MECOM: variants seen among roughly 807,000 people sequenced by gnomAD.
The protein encoded by MECOM is MDS1 and EVI1 complex locus, also known as histone-lysine N-methyltransferase MECOM.
Under a neutral mutation model 116.3 loss-of-function variants are expected in MECOM, and 13 were observed. That is an observed-to-expected ratio of 0.11 (90% CI 0.07 to 0.18). The LOEUF (loss-of-function observed/expected upper bound fraction) is 0.18. Ranked by LOEUF, MECOM falls within the 10% of genes least tolerant of loss-of-function variation. The pLI is 1.00. For synonymous variants in MECOM, 528 were observed against 535.2 expected (o/e 0.99, Z 0.19); for missense variants, 1,299 against 1,509.0 (o/e 0.86, Z 2.31).
intron 2 of MECOM, among the ~76,000 whole-genome samples, chr3:169,152,500 G>A (rs185820154): frequency 1.1e-3 from 175 of 152,226 alleles, no homozygotes; most frequent in Admixed American, 4.4e-3. Context: ...GCAGTGGCTC[G>A]AGGATTCAGG....
At position 169,534,850 on chromosome 3, in the gene MECOM, A is replaced by G. The variant is rs542140098; in HGVS notation, c.37+128486T>C. On this transcript the variant is annotated intron_variant, in intron 1 of 16. Transcript: ENST00000651503. ...TGGGATGAGCTGGGATGTGAACCCC[A>G]ATGGTCTGACTCCAGAATCTGTGCT... 2.4e-4 allele frequency among the ~76,000 whole-genome samples: 36 copies of G among 152,262 alleles called. No individual in the cohort carries two copies. In the South Asian group the frequency reaches 3.9e-3, roughly 17 times the overall value.
intron 14 of MECOM, among the ~76,000 whole-genome samples, chr3:169,091,924 A>G (rs190506540): frequency 2.7e-4 from 41 of 152,242 alleles, no homozygotes; most frequent in Admixed American, 2.7e-3. Context: ...AAAATAATGG[A>G]ACTTTTAACT....
At chr3:169,184,305 G>A (rs1746431794) in intron 2 of MECOM, among the ~76,000 whole-genome samples, 2 of 152,082 alleles carry the variant, frequency 1.3e-5, no homozygotes, top group South Asian at 4.1e-4. Context: ...ACGTGACCAT[G>A]GACTTCAAAG....
intron 2 of MECOM, among the ~76,000 whole-genome samples, chr3:169,216,833 C>G (rs561913228): frequency 6.6e-6 from 1 of 151,930 alleles, no homozygotes; most frequent in Non-Finnish European, 1.5e-5. Flanking sequence ...AAAAAGTTGA[C>G]AGTGTTTATC....
intron 5 of MECOM, 105 bp from the exon 6 acceptor site, chr3:169,122,832 G>C: frequency 7.8e-7 from 1 of 1,282,612 alleles, no homozygotes; most frequent in South Asian, 1.4e-5. Flanking sequence ...GAAGGAAAAG[G>C]AGTTGAACTG....
chr3:169,604,163 A>G (rs1768186378), intron 1 of MECOM, among the ~76,000 whole-genome samples: 1 of 152,142 alleles, frequency 6.6e-6, no homozygotes, highest in African/African-American at 2.4e-5. Context: ...AGAAAGATTT[A>G]CCTGCAAGGC....
In MECOM at chr3:169,584,304, T is replaced by G. The variant is rs186627093; in HGVS notation, c.37+79032A>C. 2.5e-3 allele frequency among the ~76,000 whole-genome samples: 381 copies of G among 152,134 alleles called. 1 individual carries two copies. Among genetic ancestry groups the G allele is most frequent in the African/African-American group, 6.7e-3 (278 of 41,516 alleles). On this transcript the variant is annotated intron_variant, in intron 1 of 16. Transcript: ENST00000651503. Reference sequence around the variant, plus strand: ...AGAAAGGCCGGGCGCGGGGGCTCACTCCTGTAATCCCAGCACTTTGGGAGG... The same window carrying G: ...AGAAAGGCCGGGCGCGGGGGCTCACGCCTGTAATCCCAGCACTTTGGGAGG...
intron 2 of MECOM, among the ~76,000 whole-genome samples, chr3:169,178,030 C>T (rs1745426986): frequency 6.6e-6 from 1 of 152,280 alleles, no homozygotes; most frequent in Non-Finnish European, 1.5e-5. Flanking sequence ...TTTCTGCCTT[C>T]CTGAGTAGTT....
intron 2 of MECOM, among the ~76,000 whole-genome samples, chr3:169,291,713 A>G (rs1714589285): frequency 6.6e-6 from 1 of 152,224 alleles, no homozygotes; most frequent in African/African-American, 2.4e-5. Flanking sequence ...TGTATAGAAC[A>G]TTCTGAAATG....
At chr3:169,114,785 C>T (rs1207656275) in intron 8 of MECOM, among the ~76,000 whole-genome samples, 1 of 152,078 alleles carries the variant, frequency 6.6e-6, no homozygotes, top group Non-Finnish European at 1.5e-5. Context: ...GATTTTTTTG[C>T]TACATCAAAG....
chr3:169,633,255 T>C (rs1772308006), intron 1 of MECOM, among the ~76,000 whole-genome samples: 1 of 152,214 alleles, frequency 6.6e-6, no homozygotes, highest in Non-Finnish European at 1.5e-5. Context: ...GATGTTTTGC[T>C]CACTTCCACT....
intron 2 of MECOM, among the ~76,000 whole-genome samples, chr3:169,169,554 T>G (rs551163976): frequency 3.9e-5 from 6 of 152,132 alleles, no homozygotes; most frequent in Non-Finnish European, 7.4e-5. Context: ...CAAATAAAAA[T>G]ATTGACATTT....
intron 2 of MECOM, among the ~76,000 whole-genome samples, chr3:169,369,933 G>C (rs938135370): frequency 2.0e-5 from 3 of 151,472 alleles, no homozygotes; most frequent in Non-Finnish European, 4.4e-5. Flanking sequence ...ACAATCTTTT[G>C]GATAGCTGGT....
At chr3:169,118,447 C>T (rs927633987) in intron 7 of MECOM, among the ~76,000 whole-genome samples, 1 of 151,988 alleles carries the variant, frequency 6.6e-6, no homozygotes, top group Non-Finnish European at 1.5e-5. Context: ...CATAAATATA[C>T]ATCTAATTTA....
chr3:169,497,563 G>C (rs879598953), intron 1 of MECOM, among the ~76,000 whole-genome samples: 1 of 151,886 alleles, frequency 6.6e-6, no homozygotes, highest in African/African-American at 2.4e-5. Flanking sequence ...TTACCATGTT[G>C]GCCAGGCTGG....
intron 1 of MECOM, among the ~76,000 whole-genome samples, chr3:169,623,539 T>C (rs1015272613): frequency 6.6e-6 from 1 of 152,174 alleles, no homozygotes; most frequent in Admixed American, 6.5e-5. Flanking sequence ...TCTATGGCCA[T>C]ACCACTGTCT....
At chr3:169,544,569 A>G (rs1345398077) in intron 1 of MECOM, among the ~76,000 whole-genome samples, 1 of 152,198 alleles carries the variant, frequency 6.6e-6, no homozygotes, top group African/African-American at 2.4e-5. Flanking sequence ...ACACATGAAC[A>G]CACATGTTTA....
chr3:169,447,116 G>A (rs147874401), intron 1 of MECOM, among the ~76,000 whole-genome samples: 6 of 151,896 alleles, frequency 4.0e-5, no homozygotes, highest in African/African-American at 7.3e-5. Context: ...AGTTCAAGTC[G>A]TCCTCATCCT....
intron 2 of MECOM, among the ~76,000 whole-genome samples, chr3:169,373,965 C>T (rs950271357): frequency 6.6e-6 from 1 of 151,876 alleles, no homozygotes; most frequent in African/African-American, 2.4e-5. Context: ...ATGTGTGTGT[C>T]CTCCTAAAAT....
Sources: gnomAD v4.1 joint callset for allele counts (sites outside exome capture counted in the v4.1 genomes callset) on GRCh38, gnomAD v4.1.1 for gene constraint, MANE v1.5 for transcripts, NCBI Gene and HGNC (gene_info 2026-07-23, HGNC 2026-07-21) for gene names.